The following ITGA9 variants were observed in gnomAD, a reference collection of about 807,000 sequenced individuals.
ITGA9 encodes the protein integrin subunit alpha 9.
ITGA9 carries 56 observed loss-of-function variants against 127.8 expected under a neutral mutation model. The ratio of observed to expected loss-of-function variants is 0.44; its 90% CI spans 0.35 to 0.55. The LOEUF (loss-of-function observed/expected upper bound fraction) is 0.55, where lower values mean the gene tolerates loss of function less well. Among genes scored for constraint, ITGA9 ranks in the 20% least tolerant of loss-of-function variants. The pLI is 0.00. For synonymous variants in ITGA9, 508 were observed against 514.5 expected, an observed-to-expected ratio of 0.99 and a Z score of 0.17; for missense variants, 1,196 against 1,347.1, an observed-to-expected ratio of 0.89 and a Z score of 1.76.
At chr3:37,723,030 T>C (rs1701207611) in intron 18 of ITGA9, among the ~76,000 whole-genome samples, 1 of 152,246 alleles carries the variant, frequency 6.6e-6, no homozygotes, top group South Asian at 2.1e-4. Context: ...GGAAGTAGCA[T>C]CTCTTTGTGG....
chr3:37,668,588 T>C (rs111871265), intron 17 of ITGA9, among the ~76,000 whole-genome samples: 46 of 152,306 alleles, frequency 3.0e-4, no homozygotes, highest in African/African-American at 1.0e-3. Flanking sequence ...TGTTGGTCCC[T>C]TGCCAATAAT....
chr3:37,754,812 T>A (rs1041529803), intron 23 of ITGA9, among the ~76,000 whole-genome samples: 1 of 152,166 alleles, frequency 6.6e-6, no homozygotes, highest in Non-Finnish European at 1.5e-5. Context: ...TGATGTACGA[T>A]GGGTATCCCA....
At position 37,618,597 on chromosome 3, in the gene ITGA9, C is replaced by T. The variant is rs113636172; in HGVS notation, c.1690-10590C>T. Among the ~76,000 whole-genome samples, 498 of 152,336 alleles carry T rather than the reference C, an allele frequency of 3.3e-3. 2 individuals carry two copies. The highest frequency in any genetic ancestry group is 0.011 in the African/African-American group (465 of 41,590). ...GAGGCAGGCAGACCTCCTTGAGCTCCGGTAGGCTCCACTCAGTTCGAGCTT... is the reference window on the plus strand; with the variant it reads ...GAGGCAGGCAGACCTCCTTGAGCTCTGGTAGGCTCCACTCAGTTCGAGCTT... On this transcript the variant is annotated intron_variant, in intron 15 of 27. Transcript: ENST00000264741.
chr3:37,810,661 C>A (rs1438978351), intron 27 of ITGA9, among the ~76,000 whole-genome samples: 1 of 152,160 alleles, frequency 6.6e-6, no homozygotes, highest in African/African-American at 2.4e-5. Flanking sequence ...AGTGATCCAC[C>A]CACCTTGGCC....
At chr3:37,764,833 T>C (rs1696762041) in intron 23 of ITGA9, among the ~76,000 whole-genome samples, 1 of 152,254 alleles carries the variant, frequency 6.6e-6, no homozygotes, top group Non-Finnish European at 1.5e-5. Flanking sequence ...AATCTTTGCA[T>C]AGCTGGCTCC....
intron 18 of ITGA9, among the ~76,000 whole-genome samples, chr3:37,721,354 G>A (rs1157688068): frequency 2.6e-5 from 4 of 152,028 alleles, no homozygotes; most frequent in Non-Finnish European, 5.9e-5. Context: ...GGCCTCAAGT[G>A]AACCTCCTGC....
intron 16 of ITGA9, among the ~76,000 whole-genome samples, chr3:37,649,012 A>G (rs939409922): frequency 2.6e-5 from 4 of 151,480 alleles, no homozygotes; most frequent in African/African-American, 9.7e-5. Flanking sequence ...TGAACTTATA[A>G]CAGACTGTTA....
Position 37,629,232 on chromosome 3 carries a change from T to C in ITGA9, c.1735T>C (p.Tyr579His), listed in dbSNP as rs775765064. ...CAGCCCGATCGTGTTTGAAGCAGCC[T>C]ACAGCCTCAGTGAGCATGTGACTGG... Reference protein sequence around the residue: ...VISPIVFEAAYSLSEHVTGEE... With the variant: ...VISPIVFEAAHSLSEHVTGEE... Residue 579 changes from tyrosine to histidine, a missense_variant, in exon 16 of 28, where the codon TAC becomes CAC. Transcript: ENST00000264741. The surrounding 1 kb of genome is among the most constrained non-coding windows in gnomAD (Gnocchi z 4.5). 1.2e-6 allele frequency: 2 copies of C among 1,613,714 alleles called. No homozygotes were observed. The highest frequency in any genetic ancestry group is 1.1e-5 in the South Asian group (1 of 91,054).
intron 15 of ITGA9, among the ~76,000 whole-genome samples, chr3:37,604,358 GT>G (rs1699947930): frequency 6.6e-6 from 1 of 152,184 alleles, no homozygotes; most frequent in African/African-American, 2.4e-5. Context: ...AAAATACTTT[GT>G]GTTAAACTCA....
intron 16 of ITGA9, among the ~76,000 whole-genome samples, chr3:37,630,921 G>A (rs1700224897): frequency 6.6e-6 from 1 of 152,178 alleles, no homozygotes; most frequent in South Asian, 2.1e-4. Context: ...CTAGAGAAGA[G>A]TAGAAGATAA....
Position 37,526,045 on chromosome 3 carries a change from C to T in ITGA9, c.1347C>T (p.Phe449=). 1.9e-6 allele frequency: 3 copies of T among 1,614,086 alleles called. No individual in the cohort carries two copies. Among genetic ancestry groups the T allele is most frequent in the Non-Finnish European group, 2.5e-6 (3 of 1,179,994 alleles). ...TTTCAGATGTCACTGTTGGAGCCTTCATGTCCGACAGCGTGGTTCTTCTCA... is the reference window on the plus strand; with the variant it reads ...TTTCAGATGTCACTGTTGGAGCCTTTATGTCCGACAGCGTGGTTCTTCTCA... ...NGYPDVTVGA[F]MSDSVVLLRA... The change falls in exon 13 of 28, where the codon TTC becomes TTT. Residue 449 remains phenylalanine (F), a synonymous_variant. Transcript: ENST00000264741.
chr3:37,641,410 C>T (rs1484884564), intron 16 of ITGA9, among the ~76,000 whole-genome samples: 1 of 152,172 alleles, frequency 6.6e-6, no homozygotes, highest in East Asian at 1.9e-4. Flanking sequence ...ATGAACCTCT[C>T]TGGATCTTTA....
intron 27 of ITGA9, among the ~76,000 whole-genome samples, chr3:37,809,244 C>G (rs1423375940): frequency 1.3e-5 from 2 of 151,970 alleles, no homozygotes; most frequent in Non-Finnish European, 2.9e-5. Flanking sequence ...TGCCACCAAG[C>G]CTGGCTAAGT....
At chr3:37,611,834 G>A (rs1227691753) in intron 15 of ITGA9, among the ~76,000 whole-genome samples, 1 of 151,996 alleles carries the variant, frequency 6.6e-6, no homozygotes, top group Non-Finnish European at 1.5e-5. Context: ...TTCTGTAAAA[G>A]CAGAGAACAC....
chr3:37,679,828 G>A (rs1393244391), intron 17 of ITGA9, among the ~76,000 whole-genome samples: 1 of 152,116 alleles, frequency 6.6e-6, no homozygotes. Context: ...GGAGTTCAAC[G>A]ATAAGCAAAG....
chr3:37,646,650 A>G (rs1700380743), intron 16 of ITGA9, among the ~76,000 whole-genome samples: 1 of 152,246 alleles, frequency 6.6e-6, no homozygotes, highest in African/African-American at 2.4e-5. Context: ...AAATAACTAG[A>G]CAGGGCTTTG....
Position 37,600,103 on chromosome 3 carries a change from C to A in ITGA9, c.1690-29084C>A, listed in dbSNP as rs372558393. On this transcript the variant is annotated intron_variant, in intron 15 of 27. Transcript: ENST00000264741. ...GTAAACAGAAGATGGGCATTTCATC[C>A]TTTCTCATTACTGAGCCTTCCTCAA... Among the ~76,000 whole-genome samples, 13 of 152,312 alleles carry A rather than the reference C, an allele frequency of 8.5e-5. No homozygotes were observed. The South Asian group carries it at 2.7e-3, about 32-fold the overall frequency.
At chr3:37,709,893 T>G (rs1382025682) in intron 18 of ITGA9, among the ~76,000 whole-genome samples, 1 of 152,182 alleles carries the variant, frequency 6.6e-6, no homozygotes, top group Non-Finnish European at 1.5e-5. Context: ...GAGAATCGCT[T>G]GAACCCAAGA....
intron 15 of ITGA9, among the ~76,000 whole-genome samples, chr3:37,596,373 C>T (rs774098462): frequency 6.6e-5 from 10 of 152,108 alleles, no homozygotes; most frequent in Admixed American, 1.3e-4. Flanking sequence ...TGGAGAGAGG[C>T]GTTTTTGGAG....
Sources: gnomAD v4.1 joint callset for allele counts (sites outside exome capture counted in the v4.1 genomes callset) on GRCh38, gnomAD v4.1.1 for gene constraint, Gnocchi (gnomAD v3.1) non-coding constraint, MANE v1.5 for transcripts, NCBI Gene and HGNC (gene_info 2026-07-23, HGNC 2026-07-21) for gene names.